Variants in AP1S3 observed in about 807,000 individuals in gnomAD.
The protein encoded by AP1S3 is AP-1 complex subunit sigma-3.
A neutral mutation model predicts 20.9 loss-of-function variants in AP1S3; 10 were observed. The ratio of observed to expected loss-of-function variants is 0.48; its 90% confidence interval spans 0.29 to 0.81. AP1S3 has a LOEUF of 0.81. Among genes scored for constraint, AP1S3 ranks in the 30% least tolerant of loss-of-function variants. The pLI is 0.08. For synonymous variants in AP1S3, 41 were observed against 61.5 expected (o/e 0.67, Z 1.56); for missense variants, 154 against 183.8 (o/e 0.84, Z 0.94).
intron 1 of AP1S3, among the ~76,000 whole-genome samples, chr2:223,793,583 A>G (rs1360917983): frequency 6.6e-6 from 1 of 152,114 alleles, no homozygotes; most frequent in African/African-American, 2.4e-5. Context: ...GAGGGAGAGC[A>G]TCAGGAAGAA....
At chr2:223,779,426 A>G (rs1690870289) in intron 1 of AP1S3, among the ~76,000 whole-genome samples, 2 of 152,284 alleles carry the variant, frequency 1.3e-5, no homozygotes, top group South Asian at 4.2e-4. Context: ...AGAAATTTTT[A>G]AAAACCTTGA....
intron 3 of AP1S3, among the ~76,000 whole-genome samples, chr2:223,774,976 G>A (rs1559278541): frequency 1.4e-5 from 1 of 69,014 alleles, no homozygotes; most frequent in Non-Finnish European, 2.8e-5. Context: ...GGGCTGGGCA[G>A]AGGAAGGGAG....
chr2:223,781,358 T>TA (rs36040825), intron 1 of AP1S3, among the ~76,000 whole-genome samples: 3 of 151,698 alleles, frequency 2.0e-5, no homozygotes, highest in African/African-American at 4.8e-5. Flanking sequence ...TCAGCAGCTT[T>TA]AAAAAAAATC....
intron 1 of AP1S3, among the ~76,000 whole-genome samples, chr2:223,822,468 T>A (rs1049519986): frequency 7.9e-5 from 12 of 152,190 alleles, no homozygotes; most frequent in African/African-American, 2.9e-4. Context: ...GTGGATCACC[T>A]GAGGTCAGGA....
chr2:223,837,293 G>A (rs1157073392), intron 1 of AP1S3, among the ~76,000 whole-genome samples, 155 bp downstream of exon 1: 2 of 151,806 alleles, frequency 1.3e-5, no homozygotes, highest in African/African-American at 4.8e-5. Flanking sequence ...ACCGTCTGGG[G>A]CAGCGGGGCC....
rs1360243993 is a variant in AP1S3 at position 223,755,842 on chromosome 2, C to T, written c.*2873G>A. The T allele has an allele frequency of 3.0e-6, 3 of 985,168 alleles. No individual in the cohort carries two copies. In the African/African-American group the frequency reaches 5.2e-5, roughly 17 times the overall value. The allele number at this position is 985,168 out of a possible 1,614,324, so 61.0% of individuals were successfully genotyped here. A position where few individuals can be genotyped will look rare whatever the true frequency, so the allele number is the denominator to read the frequency against. ...ACCTTGCCCAGAAGAGATATATTTA[C>T]TTTCTATGTGTGACACTGATTGAAG... is the stretch of plus-strand genomic sequence containing the variant. On this transcript the variant is annotated 3_prime_UTR_variant, in exon 5 of 5. Coordinates refer to ENST00000396654, the MANE Select transcript of AP1S3 (RefSeq NM_001039569.2).
At chr2:223,832,092 A>AT (rs1300589843) in intron 1 of AP1S3, among the ~76,000 whole-genome samples, 1 of 42,342 alleles carries the variant, frequency 2.4e-5, no homozygotes, top group Non-Finnish European at 5.3e-5. Context: ...AAAAAAAATC[A>AT]AAAAAAGGAC....
intron 1 of AP1S3, among the ~76,000 whole-genome samples, chr2:223,786,320 C>T (rs1023080312): frequency 6.6e-6 from 1 of 152,110 alleles, no homozygotes; most frequent in Admixed American, 6.6e-5. Flanking sequence ...TCATTTCATT[C>T]TGGCAATAAA....
Position 223,756,647 on chromosome 2 carries a change from G to T in AP1S3, c.*2068C>A, listed in dbSNP as rs1219859039. 3 of 985,284 alleles carry T rather than the reference G, an allele frequency of 3.0e-6. No homozygotes were observed. Among genetic ancestry groups the T allele is most frequent in the Non-Finnish European group, 3.6e-6 (3 of 829,810 alleles). The allele number at this position is 985,284 out of a possible 1,614,324, so 61.0% of individuals were successfully genotyped here. Reference sequence around the variant, plus strand: ...AAATATTGGATAGTAAAAGCCTAATGATTATTTTATATGCTAATCTGAGTT... The same window carrying T: ...AAATATTGGATAGTAAAAGCCTAATTATTATTTTATATGCTAATCTGAGTT... On this transcript the variant is annotated 3_prime_UTR_variant, in exon 5 of 5. Coordinates refer to ENST00000396654, the MANE Select transcript of AP1S3 (RefSeq NM_001039569.2).
At position 223,824,780 on chromosome 2, in the gene AP1S3, C is replaced by G. The variant is rs114281228; in HGVS notation, c.3+12668G>C. On this transcript the variant is annotated intron_variant, in intron 1 of 4. Transcript: ENST00000396654. ...CAACTCCTGACATCAAATGATCCAC[C>G]CGTCACGGCCTCCCAAAGTGCTGGG... Among the ~76,000 whole-genome samples the G allele has an allele frequency of 1.4e-3, 209 of 152,258 alleles. 1 individual carries two copies. Among genetic ancestry groups the G allele is most frequent in the African/African-American group, 4.7e-3 (196 of 41,574 alleles).
At chr2:223,793,805 GT>G (rs202227955) in intron 1 of AP1S3, among the ~76,000 whole-genome samples, 362 of 148,248 alleles carry the variant, frequency 2.4e-3, no homozygotes, top group African/African-American at 8.4e-3. Context: ...CACCTAATAC[GT>G]TTTTTTTTTG....
chr2:223,777,362 T>A (rs1690808563), intron 2 of AP1S3, among the ~76,000 whole-genome samples: 1 of 151,968 alleles, frequency 6.6e-6, no homozygotes, highest in African/African-American at 2.4e-5. Context: ...GCCACTGCAC[T>A]CCAGCCTGGG....
At chr2:223,798,239 C>T (rs1691390104) in intron 1 of AP1S3, among the ~76,000 whole-genome samples, 1 of 152,184 alleles carries the variant, frequency 6.6e-6, no homozygotes. Flanking sequence ...CCTGTCATGT[C>T]AGCCTTTTTC....
intron 1 of AP1S3, among the ~76,000 whole-genome samples, chr2:223,781,829 A>T (rs1265051653): frequency 1.3e-5 from 2 of 152,186 alleles, no homozygotes; most frequent in East Asian, 3.9e-4. Context: ...AAGTCCACAC[A>T]TTTGCCTGGT....
chr2:223,808,827 G>A (rs555994698), intron 1 of AP1S3, among the ~76,000 whole-genome samples: 30 of 152,120 alleles, frequency 2.0e-4, no homozygotes, highest in Admixed American at 9.2e-4. Context: ...GCAACATGGC[G>A]AAACCCCATC....
At chr2:223,779,600 T>C (rs759422323) in intron 1 of AP1S3, among the ~76,000 whole-genome samples, 1 of 152,128 alleles carries the variant, frequency 6.6e-6, no homozygotes, top group Non-Finnish European at 1.5e-5. Flanking sequence ...TTGTTTCAGT[T>C]GTGTCATGAA....
At chr2:223,783,595 T>C (rs1691005628) in intron 1 of AP1S3, among the ~76,000 whole-genome samples, 1 of 152,184 alleles carries the variant, frequency 6.6e-6, no homozygotes, top group African/African-American at 2.4e-5. Context: ...GTCTGCTGAG[T>C]CTGCGCCCTG....
intron 4 of AP1S3, 161 bp downstream of exon 4, chr2:223,765,052 G>C (rs566700145): frequency 1.1e-5 from 11 of 1,024,318 alleles, no homozygotes; most frequent in Non-Finnish European, 1.3e-5. Context: ...CTACTTTTTC[G>C]AGTTGTTGTG....
At chr2:223,832,769 T>A (rs569301905) in intron 1 of AP1S3, among the ~76,000 whole-genome samples, 1 of 151,470 alleles carries the variant, frequency 6.6e-6, no homozygotes, top group Non-Finnish European at 1.5e-5. Flanking sequence ...AACAACTCCC[T>A]GAGATTAAAA....
Sources: allele counts gnomAD v4.1 joint callset (sites outside exome capture counted in the v4.1 genomes callset), GRCh38; gene constraint gnomAD v4.1.1; transcripts MANE v1.5; gene names NCBI Gene and HGNC (gene_info 2026-07-23, HGNC 2026-07-21).